The following PKP1 variants were observed in gnomAD, a reference collection of about 807,000 sequenced individuals.
PKP1 encodes the protein plakophilin 1.
Under a neutral mutation model 76.4 loss-of-function variants are expected in PKP1, and 27 were observed. That is an observed-to-expected ratio of 0.35 (90% CI 0.26 to 0.49). The LOEUF (loss-of-function observed/expected upper bound fraction) is 0.49. Ranked by LOEUF, PKP1 falls within the 20% of genes least tolerant of loss-of-function variation. PKP1 has a pLI of 0.99. For synonymous variants in PKP1, 404 were observed against 384.2 expected (o/e 1.05, Z -0.60); for missense variants, 964 against 955.2 (o/e 1.01, Z -0.12).
intron 2 of PKP1, among the ~76,000 whole-genome samples, chr1:201,307,103 C>T (rs1656393729): frequency 6.6e-6 from 1 of 151,890 alleles, no homozygotes. Flanking sequence ...TTAGCAAGTA[C>T]CTTCTGGAGT....
Position 201,318,751 on chromosome 1 carries a change from A to T in PKP1, c.1188A>T (p.Glu396Asp), listed in dbSNP as rs779771060. The T allele has an allele frequency of 1.9e-6, 3 of 1,611,080 alleles. No individual in the cohort carries two copies. In the African/African-American group the frequency reaches 4.0e-5, roughly 22 times the overall value. The change falls in exon 6 of 14, where the codon GAA becomes GAT. Residue 396 changes from glutamate to aspartate, a missense_variant. Transcript: ENST00000367324. ...WCDGNSNMSR[E>D]VVDPEVFFNA... ...ATGGCAATAGCAACATGTCCCGGGAAGTGGTGGACCCTGAGGTCTTCTTCA... is the reference window on the plus strand; with the variant it reads ...ATGGCAATAGCAACATGTCCCGGGATGTGGTGGACCCTGAGGTCTTCTTCA...
intron 3 of PKP1, 80 bp from the exon 4 acceptor site, chr1:201,316,473 T>A: frequency 2.1e-6 from 3 of 1,440,988 alleles, no homozygotes; most frequent in Admixed American, 2.0e-5. Context: ...GGCAGCTTAG[T>A]GTGCTGGGAG....
chr1:201,324,460 G>A lies in PKP1; in HGVS notation c.1713G>A (p.Leu571=). ...MSSGMSQLIG[L]KEKGLPQIAR... ...GTGGCATGAGCCAGTTGATTGGGCT[G>A]AAGGAAAAGGGCCTGCCACAAATTG... Residue 571 remains leucine (L), a synonymous_variant, in exon 10 of 14, where the codon CTG becomes CTA. Transcript: ENST00000367324. 6.2e-7 allele frequency: 1 copy of A among 1,614,116 alleles called. No individual in the cohort carries two copies. The highest frequency in any genetic ancestry group is 2.2e-5 in the East Asian group (1 of 44,874).
At chr1:201,292,403 C>T (rs1655944731) in intron 1 of PKP1, among the ~76,000 whole-genome samples, 1 of 152,196 alleles carries the variant, frequency 6.6e-6, no homozygotes, top group Non-Finnish European at 1.5e-5. Flanking sequence ...CCGCTAGGCC[C>T]CCAGGGCAAG....
At chr1:201,305,563 T>C (rs1255908813) in intron 2 of PKP1, among the ~76,000 whole-genome samples, 5 of 152,228 alleles carry the variant, frequency 3.3e-5, no homozygotes, top group African/African-American at 1.2e-4. Context: ...CTTTCCACTG[T>C]TGGGTCTCCA....
intron 2 of PKP1, among the ~76,000 whole-genome samples, chr1:201,310,952 A>T (rs961583276): frequency 6.6e-6 from 1 of 152,214 alleles, no homozygotes. Flanking sequence ...TTCCCAGCAC[A>T]GGAAAGCAAA....
Position 201,317,683 on chromosome 1 carries a change from A to G in PKP1, c.958A>G (p.Thr320Ala), listed in dbSNP as rs1383032907. 3 of 1,613,910 alleles carry G rather than the reference A, an allele frequency of 1.9e-6. No homozygotes were observed. Among genetic ancestry groups the G allele is most frequent in the South Asian group, 2.2e-5 (2 of 91,076 alleles). ...ALRNLVFRST[T>A]NKLETRRQNG... is the part of the protein sequence containing the mutation. ...GCGCAACCTGGTGTTCAGGAGCACC[A>G]CCAACAAGCTGGAGACCCGGAGGCA... The change falls in exon 5 of 14, where the codon ACC (threonine) becomes GCC (alanine). Residue 320 changes from threonine to alanine, a missense_variant. Physicochemically the swap from Thr to Ala is moderately conservative, Grantham distance 58 (BLOSUM62 0). Coordinates refer to ENST00000367324, the MANE Select transcript of PKP1 (RefSeq NM_001005337.3).
chr1:201,319,863 C>G (rs1195386265), intron 6 of PKP1: 2 of 1,614,048 alleles, frequency 1.2e-6, no homozygotes, highest in African/African-American at 2.7e-5. Flanking sequence ...CCGCAAAGGG[C>G]CACTAGTAGC....
intron 3 of PKP1, chr1:201,316,149 C>CGGACGTACGGACGGAT (rs1558191684): frequency 8.1e-6 from 1 of 124,068 alleles, no homozygotes; most frequent in African/African-American, 4.0e-5. Flanking sequence ...GATGGACGGA[C>CGGACGTACGGACGGAT]GGATGGATGG....
chr1:201,284,219 T>C (rs537040623), intron 1 of PKP1, among the ~76,000 whole-genome samples: 8 of 151,920 alleles, frequency 5.3e-5, no homozygotes, highest in Non-Finnish European at 1.0e-4. Context: ...CCGCGAGCGG[T>C]TCTCCTGTCC....
At chr1:201,305,128 G>T (rs1298424410) in intron 2 of PKP1, among the ~76,000 whole-genome samples, 4 of 152,210 alleles carry the variant, frequency 2.6e-5, no homozygotes, top group African/African-American at 9.6e-5. Flanking sequence ...GTCCGTGTGT[G>T]TGAGCATGCA....
At chr1:201,311,807 T>C (rs1656561347) in intron 2 of PKP1, among the ~76,000 whole-genome samples, 2 of 152,224 alleles carry the variant, frequency 1.3e-5, no homozygotes, top group African/African-American at 2.4e-5. Flanking sequence ...AGATGTTTTT[T>C]TATCATACTC....
rs571528875 is a variant in PKP1, at chr1:201,315,163, C to T, written c.702-1390C>T. Among the ~76,000 whole-genome samples, 42 of 152,354 alleles carry T rather than the reference C, an allele frequency of 2.8e-4. No individual in the cohort carries two copies. In the South Asian group the frequency reaches 6.8e-3, roughly 25 times the overall value. ...TGATCAGGGCAGCCTCTGGCTTCAG[C>T]TCATTGTCCCAACCAGAGGCCCTGA... On this transcript the variant is annotated intron_variant, in intron 3 of 13. Transcript: ENST00000367324.
chr1:201,308,360 A>G (rs1558188143), intron 2 of PKP1, among the ~76,000 whole-genome samples: 1 of 152,044 alleles, frequency 6.6e-6, no homozygotes, highest in Non-Finnish European at 1.5e-5. Flanking sequence ...GTCACAGTCC[A>G]CCTTTCACTG....
At position 201,283,923 on chromosome 1, in the gene PKP1, C is replaced by T; in HGVS notation, c.202+19C>T. ...AATCGAGGTAAAGGCTCGGCCCCCG[C>T]GTGGTCCGTGCGCCCCTTTCCAGAG... On this transcript the variant is annotated intron_variant, in intron 1 of 13. Coordinates refer to ENST00000367324, the MANE Select transcript of PKP1 (RefSeq NM_001005337.3). The T allele has an allele frequency of 6.2e-7, 1 of 1,609,188 alleles. No individual in the cohort carries two copies. Among genetic ancestry groups the T allele is most frequent in the Non-Finnish European group, 8.5e-7 (1 of 1,175,794 alleles).
At chr1:201,291,610 C>G (rs1415702047) in intron 1 of PKP1, among the ~76,000 whole-genome samples, 1 of 152,200 alleles carries the variant, frequency 6.6e-6, no homozygotes, top group African/African-American at 2.4e-5. Context: ...GGGGCTGCTT[C>G]TCATAGCAGG....
intron 12 of PKP1, among the ~76,000 whole-genome samples, chr1:201,327,652 G>A (rs368481269): frequency 4.0e-5 from 6 of 151,868 alleles, no homozygotes; most frequent in South Asian, 2.1e-4. Context: ...CACTGACATC[G>A]CTCTCGGTGG....
chr1:201,319,724 C>A, intron 6 of PKP1: 1 of 1,291,214 alleles, frequency 7.7e-7, no homozygotes, highest in Non-Finnish European at 1.1e-6. Flanking sequence ...CAGAACACAG[C>A]TTGGGTGGAG....
chr1:201,290,885 A>G (rs927227244), intron 1 of PKP1, among the ~76,000 whole-genome samples: 9 of 152,202 alleles, frequency 5.9e-5, no homozygotes, highest in African/African-American at 1.9e-4. Flanking sequence ...CTAGAAGTGC[A>G]TTCTAGAGAC....
Sources: gnomAD v4.1 joint callset for allele counts (sites outside exome capture counted in the v4.1 genomes callset) on GRCh38, gnomAD v4.1.1 for gene constraint, MANE v1.5 for transcripts, NCBI Gene and HGNC (gene_info 2026-07-23, HGNC 2026-07-21) for gene names.